The following TENM3 variants were observed in gnomAD, a reference collection of about 807,000 sequenced individuals.
TENM3 encodes the protein teneurin transmembrane protein 3.
In TENM3, 63 loss-of-function variants were observed where a neutral mutation model predicts 255.1. The ratio of observed to expected loss-of-function variants is 0.25; its 90% CI spans 0.20 to 0.30. The LOEUF (loss-of-function observed/expected upper bound fraction) is 0.30. Among genes scored for constraint, TENM3 ranks in the 10% least tolerant of loss-of-function variants. TENM3 has a pLI of 1.00. For synonymous variants in TENM3, 1,306 were observed against 1,322.3 expected (o/e 0.99, Z 0.27); for missense variants, 2,929 against 3,461.1 (o/e 0.85, Z 3.86).
At chr4:182,026,376 A>C in the TENM3 span, among the ~76,000 whole-genome samples, 1 of 152,154 alleles carries the variant, frequency 6.6e-6, no homozygotes, top group Admixed American at 6.5e-5. Flanking sequence ...TTGTCAGATG[A>C]GTAGTTTACT....
the TENM3 span, among the ~76,000 whole-genome samples, chr4:181,486,053 T>A: frequency 1.9e-3 from 295 of 152,194 alleles, no homozygotes; most frequent in African/African-American, 6.8e-3. Flanking sequence ...TGAGTTTATC[T>A]AAGACTTTAT....
the TENM3 span, among the ~76,000 whole-genome samples, chr4:181,955,673 A>C: frequency 1.3e-5 from 2 of 152,194 alleles, no homozygotes; most frequent in Non-Finnish European, 2.9e-5. Context: ...CGCAGGTCCT[A>C]GATTTAGCAG....
chr4:182,389,689 C>CTTTTTTT (rs1561396800), intron 3 of TENM3, among the ~76,000 whole-genome samples: 7 of 9,900 alleles, frequency 7.1e-4, no homozygotes, highest in African/African-American at 6.8e-4. Context: ...CAGTAGATGA[C>CTTTTTTT]TCTTTTTTTT....
the TENM3 span, among the ~76,000 whole-genome samples, chr4:181,531,208 T>A: frequency 6.6e-6 from 1 of 152,018 alleles, no homozygotes; most frequent in Non-Finnish European, 1.5e-5. Flanking sequence ...AGAATAAAAG[T>A]GGTTCAAATT....
chr4:182,204,133 G>C (rs954987555), intron 1 of TENM3, among the ~76,000 whole-genome samples: 7 of 152,176 alleles, frequency 4.6e-5, no homozygotes, highest in African/African-American at 9.7e-5. Flanking sequence ...AAAAGAGTCA[G>C]AGATTCTGAT....
the TENM3 span, among the ~76,000 whole-genome samples, chr4:181,590,094 G>A: frequency 6.6e-6 from 1 of 152,272 alleles, no homozygotes; most frequent in East Asian, 1.9e-4. Flanking sequence ...TAACTTTGAA[G>A]TATAAAGAGA....
chr4:181,565,141 G>C, the TENM3 span, among the ~76,000 whole-genome samples: 1 of 152,164 alleles, frequency 6.6e-6, no homozygotes, highest in African/African-American at 2.4e-5. Flanking sequence ...TTCTGACATA[G>C]TTGATTTTTG....
chr4:182,042,485 G>C, the TENM3 span, among the ~76,000 whole-genome samples: 1 of 152,048 alleles, frequency 6.6e-6, no homozygotes, highest in Non-Finnish European at 1.5e-5. Context: ...CATTCACAAA[G>C]GTCCTGACTC....
At chr4:182,478,802 A>G (rs1188642095) in intron 3 of TENM3, among the ~76,000 whole-genome samples, 1 of 151,974 alleles carries the variant, frequency 6.6e-6, no homozygotes, top group Non-Finnish European at 1.5e-5. Flanking sequence ...TGTTGGTTAT[A>G]TTAAAACTAG....
the TENM3 span, among the ~76,000 whole-genome samples, chr4:181,738,168 T>TAC: frequency 6.6e-6 from 1 of 152,202 alleles, no homozygotes; most frequent in Non-Finnish European, 1.5e-5. Flanking sequence ...ACGAGCTATA[T>TAC]ACCTGTAAAA....
chr4:181,739,320 C>G, the TENM3 span, among the ~76,000 whole-genome samples: 61 of 152,304 alleles, frequency 4.0e-4, no homozygotes, highest in South Asian at 3.9e-3. Context: ...GAAGCTCCCC[C>G]ACTTACTCAT....
In TENM3 at chr4:182,152,212, A is replaced by G. The variant is rs866991374; in HGVS notation, c.-76+7458A>G. On this transcript the variant is annotated intron_variant, in intron 1 of 2. Coordinates refer to the TENM3 transcript ENST00000512480. ...GTTCAGAAAGGGGTGAAAGCTGAAG[A>G]GAACCTCTGCCAGGATGTTATCCCT... 2.6e-5 allele frequency among the ~76,000 whole-genome samples: 4 copies of G among 152,118 alleles called. No homozygotes were observed. In the Middle Eastern group the frequency reaches 0.01, roughly 388 times the overall value.
At chr4:181,832,109 G>A in the TENM3 span, among the ~76,000 whole-genome samples, 3 of 151,356 alleles carry the variant, frequency 2.0e-5, no homozygotes, top group Non-Finnish European at 4.4e-5. Context: ...TAATTATATG[G>A]GAGGAAATTA....
chr4:181,817,283 G>A, the TENM3 span, among the ~76,000 whole-genome samples: 2 of 152,148 alleles, frequency 1.3e-5, no homozygotes, highest in Admixed American at 6.5e-5. Context: ...TCTTTATTGT[G>A]GGTGCCACAG....
intron 3 of TENM3, among the ~76,000 whole-genome samples, chr4:182,384,772 C>CT (rs1420039592): frequency 6.6e-6 from 1 of 152,084 alleles, no homozygotes; most frequent in Non-Finnish European, 1.5e-5. Flanking sequence ...TTTCAGACTC[C>CT]TTTCATGAGT....
intron 1 of TENM3, among the ~76,000 whole-genome samples, chr4:182,299,210 CT>C (rs1199729896): frequency 6.6e-6 from 1 of 151,838 alleles, no homozygotes; most frequent in Non-Finnish European, 1.5e-5. Context: ...TTAACATCCA[CT>C]TTGTTGAAAA....
intron 1 of TENM3, chr4:182,169,272 A>G: frequency 2.1e-6 from 1 of 477,734 alleles, no homozygotes; most frequent in Non-Finnish European, 4.4e-6. Flanking sequence ...TGAGTACAAA[A>G]TTTGGGGTAT....
chr4:182,125,608 AAGG>A, the TENM3 span, among the ~76,000 whole-genome samples: 1 of 152,202 alleles, frequency 6.6e-6, no homozygotes, highest in Admixed American at 6.5e-5. Flanking sequence ...ATTGGATTTA[AAGG>A]AGATGAGAGT....
At chr4:181,732,579 A>C in the TENM3 span, among the ~76,000 whole-genome samples, 2 of 152,188 alleles carry the variant, frequency 1.3e-5, no homozygotes, top group African/African-American at 4.8e-5. Context: ...TATAGTTATC[A>C]ATTGTGTTTC....
Sources: gnomAD v4.1 joint callset for allele counts (sites outside exome capture counted in the v4.1 genomes callset) on GRCh38, gnomAD v4.1.1 for gene constraint, MANE v1.5 for transcripts, NCBI Gene and HGNC (gene_info 2026-07-23, HGNC 2026-07-21) for gene names.